PIBF1: variants seen among roughly 807,000 people sequenced by gnomAD.
PIBF1 encodes progesterone-induced-blocking factor 1.
A neutral mutation model predicts 112.5 loss-of-function variants in PIBF1; 90 were observed. The observed-to-expected ratio is 0.80, with a 90% CI of 0.67 to 0.95. The LOEUF is 0.95. Ranked by LOEUF, PIBF1 falls within the 40% of genes least tolerant of loss-of-function variation. The pLI, the probability that PIBF1 is intolerant of heterozygous loss-of-function variation, is 0.00. For missense variants in PIBF1, 915 were observed against 852.3 expected (o/e 1.07, Z -0.92); for synonymous variants, 301 against 288.6 (o/e 1.04, Z -0.44).
At chr13:72,867,395 T>G (rs966576715) in intron 10 of PIBF1, among the ~76,000 whole-genome samples, 3 of 152,194 alleles carry the variant, frequency 2.0e-5, no homozygotes, top group African/African-American at 7.2e-5. Flanking sequence ...CTAATACAGT[T>G]ATTAATAGAA....
At chr13:72,808,684 C>T (rs1176507271) in intron 5 of PIBF1, among the ~76,000 whole-genome samples, 1 of 152,080 alleles carries the variant, frequency 6.6e-6, no homozygotes, top group Non-Finnish European at 1.5e-5. Flanking sequence ...AGAAATTACC[C>T]AGAGAATTCA....
chr13:73,005,495 T>C (rs1348528604), intron 17 of PIBF1, among the ~76,000 whole-genome samples: 1 of 151,292 alleles, frequency 6.6e-6, no homozygotes, highest in Admixed American at 6.6e-5. Context: ...TATAAAATGA[T>C]GAAATATAAA....
chr13:72,985,387 A>AAAAAAAAAC (rs1215703157), intron 16 of PIBF1, among the ~76,000 whole-genome samples: 1 of 149,564 alleles, frequency 6.7e-6, no homozygotes. Context: ...AAAAAAAAAA[A>AAAAAAAAAC]AAAAAAGCCA....
At chr13:72,801,415 G>T (rs906050583) in intron 5 of PIBF1, among the ~76,000 whole-genome samples, 10 of 151,738 alleles carry the variant, frequency 6.6e-5, no homozygotes, top group African/African-American at 2.4e-4. Flanking sequence ...AATATATGTA[G>T]GTACTATATT....
At chr13:72,844,766 C>CTGTTT (rs1371748602) in intron 9 of PIBF1, among the ~76,000 whole-genome samples, 5 of 104,606 alleles carry the variant, frequency 4.8e-5, no homozygotes, top group East Asian at 3.0e-4. Context: ...CACACACACA[C>CTGTTT]ACACACACAC....
chr13:72,917,253 G>T, intron 13 of PIBF1, 87 bp downstream of exon 13: 1 of 664,192 alleles, frequency 1.5e-6, no homozygotes, highest in Non-Finnish European at 2.4e-6. Flanking sequence ...TGAGTTCAGT[G>T]ACAAAGTCCT....
In PIBF1 at chr13:72,795,357, A is replaced by G. The variant is rs770205130; in HGVS notation, c.354-2A>G. 19 of 1,555,186 alleles carry G rather than the reference A, an allele frequency of 1.2e-5. No homozygotes were observed. Among genetic ancestry groups the G allele is most frequent in the African/African-American group, 4.1e-5 (3 of 72,772 alleles). On this transcript the variant is annotated splice_acceptor_variant, in intron 3 of 17. Transcript: ENST00000326291. LOFTEE classifies it high-confidence loss of function. ...CCTGCCATAAATTCTCTTCTAATGT[A>G]GCAAATATCAAGAATTAATGAAACA...
chr13:72,972,003 CATTTATTTATTTATTT>C (rs67353309), intron 15 of PIBF1, among the ~76,000 whole-genome samples: 67 of 138,782 alleles, frequency 4.8e-4, no homozygotes, highest in South Asian at 3.7e-3. Context: ...TAGTGGCTTT[CATTTATTTATTTATTT>C]ATTTATTTAT....
At chr13:72,786,855 A>G (rs1324736405) in intron 2 of PIBF1, among the ~76,000 whole-genome samples, 1 of 152,198 alleles carries the variant, frequency 6.6e-6, no homozygotes, top group African/African-American at 2.4e-5. Flanking sequence ...ATATATGAAG[A>G]AATACCTATT....
intron 17 of PIBF1, among the ~76,000 whole-genome samples, chr13:73,010,894 T>G (rs547174530): frequency 7.6e-6 from 1 of 132,284 alleles, no homozygotes; most frequent in East Asian, 2.7e-4. Context: ...TGGTGTGATC[T>G]CAGCTCACTG....
At chr13:72,987,656 A>G (rs560009902) in intron 16 of PIBF1, among the ~76,000 whole-genome samples, 110 of 147,234 alleles carry the variant, frequency 7.5e-4, no homozygotes, top group African/African-American at 2.4e-3. Flanking sequence ...ATTTATTTTT[A>G]TTTAGAATTT....
At chr13:72,881,983 G>A (rs564398948) in intron 10 of PIBF1, among the ~76,000 whole-genome samples, 2 of 152,010 alleles carry the variant, frequency 1.3e-5, no homozygotes, top group South Asian at 4.2e-4. Context: ...AATAGCCAAA[G>A]CTATCCTACG....
chr13:72,997,608 T>C (rs907204856), intron 16 of PIBF1, among the ~76,000 whole-genome samples: 1 of 152,180 alleles, frequency 6.6e-6, no homozygotes, highest in Non-Finnish European at 1.5e-5. Context: ...TAAATAGAAC[T>C]AATGACAGCC....
intron 8 of PIBF1, among the ~76,000 whole-genome samples, chr13:72,829,382 G>A (rs780035618): frequency 3.9e-5 from 6 of 152,104 alleles, no homozygotes; most frequent in Non-Finnish European, 8.8e-5. Flanking sequence ...ATATTGCCCA[G>A]GTTTTCTTGT....
intron 14 of PIBF1, 123 bp from the exon 15 acceptor site, chr13:72,965,151 A>G (rs531543579): frequency 3.6e-6 from 3 of 824,912 alleles, no homozygotes; most frequent in South Asian, 3.2e-5. Flanking sequence ...TTTACACAGG[A>G]AAAGCTTTTC....
At position 72,939,829 on chromosome 13, in the gene PIBF1, C is replaced by A. The variant is rs758772323; in HGVS notation, c.1833+8562C>A. 6.6e-4 allele frequency among the ~76,000 whole-genome samples: 101 copies of A among 152,166 alleles called. 1 individual carries two copies. Among genetic ancestry groups the A allele is most frequent in the Non-Finnish European group, 4.9e-4 (33 of 67,974 alleles). On this transcript the variant is annotated intron_variant, in intron 14 of 17. Transcript: ENST00000326291. ...AGGAATTTGAGGTTGACTTTTCTCT[C>A]CCTCTCTCTCTTTTTCAGTAGTTGA...
chr13:72,798,486 T>C (rs1003984623), intron 5 of PIBF1, among the ~76,000 whole-genome samples: 2 of 152,244 alleles, frequency 1.3e-5, no homozygotes, highest in Non-Finnish European at 2.9e-5. Context: ...ATTTTTACTT[T>C]GAACTAAGTT....
chr13:72,990,936 G>A (rs1205031856), intron 16 of PIBF1, among the ~76,000 whole-genome samples: 1 of 152,190 alleles, frequency 6.6e-6, no homozygotes, highest in Non-Finnish European at 1.5e-5. Context: ...GTTACTTCAA[G>A]AGAGATGCAC....
In PIBF1 at chr13:72,816,874, A is replaced by G. The variant is rs914658039; in HGVS notation, c.673-4975A>G. On this transcript the variant is annotated intron_variant, in intron 5 of 17. Transcript: ENST00000326291. ...TTTTTTTTTGAAAAATTTCTTGAAG[A>G]TCTTAACAATGACAAGAGTTGTCTC... Among the ~76,000 whole-genome samples the G allele has an allele frequency of 2.8e-4, 43 of 151,984 alleles. 1 individual carries two copies. The highest frequency in any genetic ancestry group is 3.3e-4 in the Admixed American group (5 of 15,246).
Sources: allele counts gnomAD v4.1 joint callset (sites outside exome capture counted in the v4.1 genomes callset), GRCh38; gene constraint gnomAD v4.1.1; transcripts MANE v1.5; gene names NCBI Gene and HGNC (gene_info 2026-07-23, HGNC 2026-07-21).